Variants in CALN1 observed in about 807,000 individuals in gnomAD.
CALN1 encodes calcium-binding protein 8.
A neutral mutation model predicts 30.6 loss-of-function variants in CALN1; 17 were observed. The ratio of observed to expected loss-of-function variants is 0.56; its 90% CI spans 0.38 to 0.83. The LOEUF is 0.83. CALN1 is among the 40% of genes least tolerant of loss of function. The pLI is 0.00. For missense variants in CALN1, 291 were observed against 354.9 expected, an observed-to-expected ratio of 0.82 and a Z score of 1.45; for synonymous variants, 156 against 131.4, an observed-to-expected ratio of 1.19 and a Z score of -1.28.
chr7:72,141,105 C>T (rs540936620), intron 3 of CALN1, among the ~76,000 whole-genome samples: 35 of 152,304 alleles, frequency 2.3e-4, no homozygotes, highest in African/African-American at 7.5e-4. Context: ...AGCCTCTCTG[C>T]GTCCTGAGAA....
chr7:72,219,283 T>C (rs949166835), intron 3 of CALN1, among the ~76,000 whole-genome samples: 20 of 152,318 alleles, frequency 1.3e-4, no homozygotes, highest in African/African-American at 2.4e-5. Flanking sequence ...TGGAGTGCAG[T>C]GGCATGATCA....
At chr7:72,467,749 T>G in the CALN1 span, among the ~76,000 whole-genome samples, 1 of 152,166 alleles carries the variant, frequency 6.6e-6, no homozygotes, top group South Asian at 2.1e-4. Context: ...GAAGCTAAAA[T>G]TCACATGATG....
chr7:72,477,001 A>G, the CALN1 span, among the ~76,000 whole-genome samples: 5 of 152,238 alleles, frequency 3.3e-5, no homozygotes, highest in Admixed American at 6.5e-5. Flanking sequence ...ATTTGAGGTT[A>G]GGAGTTCGAG....
chr7:71,972,135 A>G (rs753977619), intron 5 of CALN1, among the ~76,000 whole-genome samples: 1 of 152,112 alleles, frequency 6.6e-6, no homozygotes, highest in Non-Finnish European at 1.5e-5. Context: ...ATGAATACAC[A>G]ATACCCTCCA....
At chr7:72,257,751 A>G (rs886538302) in intron 3 of CALN1, among the ~76,000 whole-genome samples, 1 of 152,212 alleles carries the variant, frequency 6.6e-6, no homozygotes, top group Admixed American at 6.5e-5. Flanking sequence ...AAAATGTAGT[A>G]TATGTTATGT....
At chr7:71,846,937 A>G (rs1224067370) in intron 5 of CALN1, among the ~76,000 whole-genome samples, 2 of 145,354 alleles carry the variant, frequency 1.4e-5, no homozygotes, top group South Asian at 2.1e-4. Flanking sequence ...ATATATACAT[A>G]TATGTATATA....
intron 2 of CALN1, among the ~76,000 whole-genome samples, chr7:72,351,294 G>C (rs1244179467): frequency 1.3e-5 from 2 of 152,138 alleles, no homozygotes; most frequent in Non-Finnish European, 2.9e-5. Context: ...CTTGAGCCCA[G>C]GAGTTCAAGA....
intron 6 of CALN1, among the ~76,000 whole-genome samples, chr7:71,805,040 C>T (rs1014586030): frequency 1.3e-5 from 2 of 152,120 alleles, no homozygotes; most frequent in South Asian, 2.1e-4. Context: ...AGTCCTTGTC[C>T]CTTGTGCTGC....
chr7:72,168,787 C>T (rs1024962482), intron 3 of CALN1, among the ~76,000 whole-genome samples: 1 of 135,602 alleles, frequency 7.4e-6, no homozygotes, highest in Admixed American at 7.8e-5. Flanking sequence ...AGGATGCCTG[C>T]TTATTATTAT....
chr7:71,946,237 T>A (rs1255066654), intron 5 of CALN1, among the ~76,000 whole-genome samples: 1 of 152,200 alleles, frequency 6.6e-6, no homozygotes, highest in Non-Finnish European at 1.5e-5. Context: ...AATATCTTCA[T>A]ACATTTCTAT....
At chr7:72,142,897 G>A (rs998752929) in intron 3 of CALN1, among the ~76,000 whole-genome samples, 1 of 152,158 alleles carries the variant, frequency 6.6e-6, no homozygotes, top group East Asian at 1.9e-4. Flanking sequence ...AACTCCAACT[G>A]ACCTGCAGCT....
intron 5 of CALN1, among the ~76,000 whole-genome samples, chr7:71,909,671 T>C (rs1584492267): frequency 6.6e-6 from 1 of 152,202 alleles, no homozygotes; most frequent in African/African-American, 2.4e-5. Flanking sequence ...TGTTTCAAGT[T>C]GCAAGGCAGA....
At chr7:72,365,875 G>T (rs1248196870) in intron 2 of CALN1, among the ~76,000 whole-genome samples, 1 of 152,190 alleles carries the variant, frequency 6.6e-6, no homozygotes, top group Non-Finnish European at 1.5e-5. Context: ...CTCTCGCCCA[G>T]TTGGTTAAAT....
At chr7:72,017,627 G>T (rs866207694) in intron 5 of CALN1, among the ~76,000 whole-genome samples, 1 of 152,136 alleles carries the variant, frequency 6.6e-6, no homozygotes, top group Non-Finnish European at 1.5e-5. Context: ...GAGCTATTAT[G>T]GGCTTCTTGT....
intron 3 of CALN1, among the ~76,000 whole-genome samples, chr7:72,241,213 C>T (rs1040203053): frequency 2.6e-5 from 4 of 152,154 alleles, no homozygotes; most frequent in African/African-American, 4.8e-5. Flanking sequence ...AAAGTATTCA[C>T]CATTCAACAG....
At position 71,847,847 on chromosome 7, in the gene CALN1, G is replaced by GAGAAGGAGAAGGAGAAGGAGAAGGAGA. The variant is rs746393698; in HGVS notation, c.502-37356_502-37355insTCTCCTTCTCCTTCTCCTTCTCCTTCT. On this transcript the variant is annotated intron_variant, in intron 5 of 6. Coordinates refer to ENST00000395275, the MANE Select transcript of CALN1 (RefSeq NM_031468.4). ...GGAGAAGGAGAAGGAGAAGGAGAAGGAGAAGAAGAAGAGGAAAGTTTTCCC... is the reference window on the plus strand; with the variant it reads ...GGAGAAGGAGAAGGAGAAGGAGAAGGAGAAGGAGAAGGAGAAGGAGAAGGAGAAGAAGAAGAAGAGGAAAGTTTTCCC... Among the ~76,000 whole-genome samples the GAGAAGGAGAAGGAGAAGGAGAAGGAGA allele has an allele frequency of 1.3e-4, 17 of 134,898 alleles. No homozygotes were observed. In the South Asian group the frequency reaches 1.4e-3, roughly 11 times the overall value. 88.5% of individuals were successfully genotyped at this position (134,898 alleles called of 152,430 possible). A position where few individuals can be genotyped will look rare whatever the true frequency, so the allele number is the denominator to read the frequency against.
At chr7:72,193,810 C>T (rs1185630889) in intron 3 of CALN1, among the ~76,000 whole-genome samples, 1 of 152,186 alleles carries the variant, frequency 6.6e-6, no homozygotes, top group African/African-American at 2.4e-5. Flanking sequence ...GCATTCGCAG[C>T]AACCTGGATG....
intron 2 of CALN1, among the ~76,000 whole-genome samples, chr7:72,383,599 G>C (rs995821671): frequency 6.6e-6 from 1 of 152,144 alleles, no homozygotes; most frequent in Non-Finnish European, 1.5e-5. Flanking sequence ...TCTGTCCCCA[G>C]CAGCTGGCGC....
chr7:72,007,639 C>A (rs143917073), intron 5 of CALN1, among the ~76,000 whole-genome samples: 1 of 152,188 alleles, frequency 6.6e-6, no homozygotes, highest in Non-Finnish European at 1.5e-5. Flanking sequence ...TTCTCCTACC[C>A]CTTACACTAA....
Sources: gnomAD v4.1 joint callset for allele counts (sites outside exome capture counted in the v4.1 genomes callset) on GRCh38, gnomAD v4.1.1 for gene constraint, MANE v1.5 for transcripts, NCBI Gene and HGNC (gene_info 2026-07-23, HGNC 2026-07-21) for gene names.